Variants in DLGAP1 observed in about 807,000 individuals in gnomAD.
DLGAP1 encodes the protein disks large-associated protein 1.
A neutral mutation model predicts 90.8 loss-of-function variants in DLGAP1; 11 were observed. The observed-to-expected ratio is 0.12, with a 90% CI of 0.08 to 0.20. DLGAP1 has a LOEUF of 0.20. Among genes scored for constraint, DLGAP1 ranks in the 10% least tolerant of loss-of-function variants. The probability of loss-of-function intolerance (pLI) is 1.00; values close to 1 mark genes in which losing one functional copy is unlikely to be tolerated. For synonymous variants in DLGAP1, 558 were observed against 540.7 expected, an observed-to-expected ratio of 1.03 and a Z score of -0.44; for missense variants, 1,050 against 1,333.8, an observed-to-expected ratio of 0.79 and a Z score of 3.31.
At chr18:3,855,019 C>A (rs2069552587) in intron 4 of DLGAP1, among the ~76,000 whole-genome samples, 1 of 152,156 alleles carries the variant, frequency 6.6e-6, no homozygotes, top group South Asian at 2.1e-4. Context: ...TTCACAATAG[C>A]AAAGTCATGG....
intron 1 of DLGAP1, among the ~76,000 whole-genome samples, chr18:4,179,414 C>T (rs1178226326): frequency 6.6e-6 from 1 of 152,268 alleles, no homozygotes; most frequent in Middle Eastern, 3.4e-3. Flanking sequence ...ATTTAAGTTC[C>T]TAACTTAAGA....
chr18:4,087,181 T>C (rs1205635099), intron 2 of DLGAP1, among the ~76,000 whole-genome samples: 1 of 150,970 alleles, frequency 6.6e-6, no homozygotes, highest in Non-Finnish European at 1.5e-5. Context: ...ATTCATTTAT[T>C]TGAAAGGTGG....
intron 2 of DLGAP1, among the ~76,000 whole-genome samples, chr18:4,071,549 C>T (rs2075447346): frequency 6.6e-6 from 1 of 152,128 alleles, no homozygotes; most frequent in African/African-American, 2.4e-5. Flanking sequence ...CATTTGTCAG[C>T]GTCGTCTCAG....
chr18:4,266,319 C>A (rs2079131234), intron 1 of DLGAP1, among the ~76,000 whole-genome samples: 1 of 152,198 alleles, frequency 6.6e-6, no homozygotes, highest in South Asian at 2.1e-4. Context: ...ATAGATTCCA[C>A]TAATCACTTG....
chr18:3,585,614 T>G (rs942309617), intron 7 of DLGAP1, among the ~76,000 whole-genome samples: 1 of 152,188 alleles, frequency 6.6e-6, no homozygotes, highest in Non-Finnish European at 1.5e-5. Context: ...TCTTGTTAGC[T>G]CTCCTTGGTT....
At chr18:4,449,857 G>A (rs186529741) in intron 1 of DLGAP1, among the ~76,000 whole-genome samples, 1 of 152,166 alleles carries the variant, frequency 6.6e-6, no homozygotes, top group Admixed American at 6.5e-5. Context: ...GAGGGGGAAA[G>A]ATTTCTTAGC....
At chr18:3,584,474 T>G (rs1489133249) in intron 7 of DLGAP1, among the ~76,000 whole-genome samples, 1 of 152,188 alleles carries the variant, frequency 6.6e-6, no homozygotes, top group East Asian at 1.9e-4. Context: ...AGGACTCTAT[T>G]ATGCTGTCCT....
chr18:4,268,895 A>C (rs1293091717), intron 1 of DLGAP1, among the ~76,000 whole-genome samples: 1 of 152,160 alleles, frequency 6.6e-6, no homozygotes, highest in East Asian at 1.9e-4. Flanking sequence ...TCAGTAAAGA[A>C]TAAGATCCAC....
chr18:4,175,699 G>T, intron 1 of DLGAP1, among the ~76,000 whole-genome samples: 1 of 152,032 alleles, frequency 6.6e-6, no homozygotes, highest in South Asian at 2.1e-4. Flanking sequence ...GCTTGTTTTT[G>T]TCAGGTTTGT....
At chr18:4,171,475 G>A (rs2077024036) in intron 1 of DLGAP1, among the ~76,000 whole-genome samples, 1 of 151,590 alleles carries the variant, frequency 6.6e-6, no homozygotes, top group Admixed American at 6.6e-5. Flanking sequence ...TGAGGCAGGA[G>A]AATGGCGTGA....
At chr18:4,111,167 A>C (rs1416696323) in intron 2 of DLGAP1, among the ~76,000 whole-genome samples, 1 of 151,964 alleles carries the variant, frequency 6.6e-6, no homozygotes, top group East Asian at 1.9e-4. Context: ...TATTAAGATG[A>C]TCTTCTGAGT....
rs71366687 is a variant in DLGAP1 at position 3,574,779 on chromosome 18, T to TTTTTATTTTATTTTA, written c.1965+7081_1965+7095dup. Among the ~76,000 whole-genome samples, 95 of 140,970 alleles carry TTTTTATTTTATTTTA rather than the reference T, an allele frequency of 6.7e-4. 1 individual carries two copies. Among genetic ancestry groups the TTTTTATTTTATTTTA allele is most frequent in the African/African-American group, 1.2e-3 (45 of 39,086 alleles). The allele number at this position is 140,970 out of a possible 152,430, so 92.5% of individuals were successfully genotyped here. A position where few individuals can be genotyped will look rare whatever the true frequency, so the allele number is the denominator to read the frequency against. On this transcript the variant is annotated intron_variant, in intron 8 of 12. Transcript: ENST00000315677. Reference sequence around the variant, plus strand: ...AATTATGAATCCAAGATAATGTGCCTTTTTATTTTATTTTATTTTATTTTA... The same window carrying TTTTTATTTTATTTTA: ...AATTATGAATCCAAGATAATGTGCCTTTTTATTTTATTTTATTTTATTTTATTTTATTTTATTTTA...
chr18:4,238,939 C>G (rs1245070296), intron 1 of DLGAP1, among the ~76,000 whole-genome samples: 1 of 152,146 alleles, frequency 6.6e-6, no homozygotes, highest in African/African-American at 2.4e-5. Context: ...GAAAAATCAT[C>G]AATAAAAACT....
chr18:3,567,402 T>C, intron 9 of DLGAP1, 88 bp downstream of exon 9: 1 of 1,136,116 alleles, frequency 8.8e-7, no homozygotes, highest in Admixed American at 2.1e-5. Flanking sequence ...AAAATATCAT[T>C]GAATTTTGTA....
At chr18:3,637,502 G>C (rs1372857490) in intron 7 of DLGAP1, among the ~76,000 whole-genome samples, 1 of 151,162 alleles carries the variant, frequency 6.6e-6, no homozygotes, top group Non-Finnish European at 1.5e-5. Flanking sequence ...GGGAGGCTGA[G>C]GTGGGAGGAT....
intron 3 of DLGAP1, among the ~76,000 whole-genome samples, chr18:3,921,227 C>A (rs1009336781): frequency 3.9e-5 from 6 of 151,970 alleles, no homozygotes; most frequent in Non-Finnish European, 7.4e-5. Context: ...TTGGGCAAGG[C>A]GATTCAATAT....
chr18:3,866,777 A>C (rs2070411264), intron 4 of DLGAP1, among the ~76,000 whole-genome samples: 1 of 152,228 alleles, frequency 6.6e-6, no homozygotes, highest in Non-Finnish European at 1.5e-5. Context: ...CCAGAGTGGA[A>C]AGGGCAGGGG....
At chr18:3,633,401 C>CAAA (rs60320308) in intron 7 of DLGAP1, among the ~76,000 whole-genome samples, 4 of 62,008 alleles carry the variant, frequency 6.5e-5, no homozygotes, top group African/African-American at 2.0e-4. Context: ...GACTTCATCT[C>CAAA]AAAAAAAAAA....
chr18:3,797,198 G>A (rs540509002), intron 5 of DLGAP1, among the ~76,000 whole-genome samples: 1 of 152,132 alleles, frequency 6.6e-6, no homozygotes, highest in East Asian at 1.9e-4. Flanking sequence ...TGGGCGTGGT[G>A]GTGCACACCT....
Sources: gnomAD v4.1 joint callset for allele counts (sites outside exome capture counted in the v4.1 genomes callset) on GRCh38, gnomAD v4.1.1 for gene constraint, MANE v1.5 for transcripts, NCBI Gene and HGNC (gene_info 2026-07-23, HGNC 2026-07-21) for gene names.